CCDC91: variants seen among roughly 807,000 people sequenced by gnomAD.
CCDC91 encodes the protein coiled-coil domain-containing protein 91.
A neutral mutation model predicts 63.2 loss-of-function variants in CCDC91; 48 were observed. The ratio of observed to expected loss-of-function variants is 0.76; its 90% CI spans 0.60 to 0.97. CCDC91 has a LOEUF of 0.97. Among genes scored for constraint, CCDC91 ranks in the 50% least tolerant of loss-of-function variants. The pLI, the probability that CCDC91 is intolerant of heterozygous loss-of-function variation, is 0.00. For synonymous variants in CCDC91, 167 were observed against 165.8 expected (o/e 1.01, Z -0.06); for missense variants, 500 against 494.6 (o/e 1.01, Z -0.10).
chr12:28,504,567 A>G (rs1473552896), intron 12 of CCDC91, among the ~76,000 whole-genome samples: 1 of 151,896 alleles, frequency 6.6e-6, no homozygotes, highest in East Asian at 1.9e-4. Context: ...TCTGATATAT[A>G]TTGCTGTGAA....
intron 3 of CCDC91, among the ~76,000 whole-genome samples, chr12:28,274,954 G>A (rs1413751438): frequency 6.6e-6 from 1 of 151,958 alleles, no homozygotes; most frequent in Admixed American, 6.6e-5. Flanking sequence ...AGAATCTGTG[G>A]GACACATTCA....
chr12:28,250,730 T>G lies in CCDC91; in HGVS notation c.-14-6472T>G, dbSNP rs369250391. Among the ~76,000 whole-genome samples the G allele has an allele frequency of 5.3e-4, 80 of 152,214 alleles. No individual in the cohort carries two copies. The Middle Eastern group carries it at 0.01, about 19-fold the overall frequency. ...AAGGCATTAATTCAGAAATATTCTT[T>G]GAGCCCTTACTATGTGCTAGGAACT... On this transcript the variant is annotated intron_variant, in intron 1 of 12. Transcript: ENST00000536442.
At chr12:28,370,430 C>T (rs1944544154) in intron 7 of CCDC91, among the ~76,000 whole-genome samples, 1 of 152,342 alleles carries the variant, frequency 6.6e-6, no homozygotes, top group South Asian at 2.1e-4. Flanking sequence ...TCTCATCCTC[C>T]TCTGAGACCA....
At chr12:28,380,665 T>TCTAA (rs1156477074) in intron 7 of CCDC91, among the ~76,000 whole-genome samples, 1 of 152,154 alleles carries the variant, frequency 6.6e-6, no homozygotes, top group African/African-American at 2.4e-5. Context: ...CGAATCTGTT[T>TCTAA]CTAAGCTTGT....
intron 12 of CCDC91, among the ~76,000 whole-genome samples, chr12:28,504,538 C>G (rs1250410632): frequency 6.6e-6 from 1 of 151,914 alleles, no homozygotes; most frequent in Admixed American, 6.6e-5. Context: ...TGAAATCTAT[C>G]TTCAATATAT....
At chr12:28,339,169 G>A (rs1209244338) in intron 6 of CCDC91, among the ~76,000 whole-genome samples, 2 of 152,166 alleles carry the variant, frequency 1.3e-5, no homozygotes, top group Non-Finnish European at 2.9e-5. Context: ...CAAAGGCAGA[G>A]CTGACAGGGA....
chr12:28,362,612 G>A (rs1308749458), intron 7 of CCDC91, 97 bp downstream of exon 7: 16 of 627,554 alleles, frequency 2.5e-5, no homozygotes, highest in Non-Finnish European at 4.2e-5. Context: ...AATTATATGT[G>A]TAGTCTTATT....
chr12:28,405,933 G>A (rs1390951022), intron 8 of CCDC91, among the ~76,000 whole-genome samples: 5 of 147,976 alleles, frequency 3.4e-5, no homozygotes, highest in Admixed American at 2.7e-4. Flanking sequence ...TGTCCATTCA[G>A]TAGTATGTTT....
chr12:28,538,569 A>G lies in CCDC91; in HGVS notation c.1216-10494A>G, dbSNP rs183241830. Among the ~76,000 whole-genome samples, 4 of 151,986 alleles carry G rather than the reference A, an allele frequency of 2.6e-5. No individual in the cohort carries two copies. In the South Asian group the frequency reaches 6.2e-4, roughly 24 times the overall value. ...GTGAATAGTGCCACAATAAACATACATGTGCATGTGTCTTTATAGCAGCAT... is the reference window on the plus strand; with the variant it reads ...GTGAATAGTGCCACAATAAACATACGTGTGCATGTGTCTTTATAGCAGCAT... On this transcript the variant is annotated intron_variant, in intron 12 of 12. Coordinates refer to ENST00000536442, the MANE Select transcript of CCDC91 (RefSeq NM_018318.5).
chr12:28,209,351 A>T (rs1192403647), intron 1 of CCDC91, among the ~76,000 whole-genome samples: 1 of 152,228 alleles, frequency 6.6e-6, no homozygotes, highest in African/African-American at 2.4e-5. Context: ...TTTTCAATTT[A>T]TGGAAAAGCT....
At chr12:28,308,476 C>G in intron 6 of CCDC91, among the ~76,000 whole-genome samples, 1 of 152,018 alleles carries the variant, frequency 6.6e-6, no homozygotes, top group Non-Finnish European at 1.5e-5. Flanking sequence ...TTATTCTGTT[C>G]TAAAACCTTC....
At chr12:28,416,990 T>A (rs1947703549) in intron 8 of CCDC91, among the ~76,000 whole-genome samples, 1 of 152,116 alleles carries the variant, frequency 6.6e-6, no homozygotes, top group Admixed American at 6.6e-5. Context: ...TTTCATCTTT[T>A]TCTGTGTATG....
chr12:28,215,899 C>T (rs1292653075), intron 1 of CCDC91, among the ~76,000 whole-genome samples: 1 of 152,002 alleles, frequency 6.6e-6, no homozygotes, highest in Non-Finnish European at 1.5e-5. Context: ...TGCCCGTTTT[C>T]CCTGTTGAGG....
At chr12:28,460,465 C>T (rs1950250307) in intron 11 of CCDC91, among the ~76,000 whole-genome samples, 1 of 151,926 alleles carries the variant, frequency 6.6e-6, no homozygotes, top group Non-Finnish European at 1.5e-5. Flanking sequence ...GTAATTTTGA[C>T]CAAGTTTTAA....
At chr12:28,380,262 G>A (rs1472442498) in intron 7 of CCDC91, among the ~76,000 whole-genome samples, 1 of 151,908 alleles carries the variant, frequency 6.6e-6, no homozygotes, top group Non-Finnish European at 1.5e-5. Flanking sequence ...AACATGGCAC[G>A]TGTATACCTA....
intron 3 of CCDC91, among the ~76,000 whole-genome samples, chr12:28,279,875 CTG>C (rs67192731): frequency 0.2 from 30,408 of 151,990 alleles, 3,973 homozygotes; most frequent in Non-Finnish European, 0.3. Flanking sequence ...TGTAATATCT[CTG>C]TGTATATATA....
intron 1 of CCDC91, among the ~76,000 whole-genome samples, chr12:28,212,335 G>A (rs1319813881): frequency 6.6e-6 from 1 of 152,212 alleles, no homozygotes; most frequent in Admixed American, 6.5e-5. Flanking sequence ...TGGCCACATG[G>A]TGGAAGATTT....
chr12:28,496,059 G>A (rs1952263752), intron 12 of CCDC91, among the ~76,000 whole-genome samples: 1 of 151,558 alleles, frequency 6.6e-6, no homozygotes, highest in Non-Finnish European at 1.5e-5. Context: ...ATCAACCAGG[G>A]TTCTTCTTTT....
intron 7 of CCDC91, among the ~76,000 whole-genome samples, chr12:28,380,983 G>A (rs1227096173): frequency 9.2e-5 from 14 of 152,030 alleles, no homozygotes; most frequent in Admixed American, 9.2e-4. Flanking sequence ...AGTTGTTACA[G>A]GCAAGGGAGA....
Sources: gnomAD v4.1 joint callset for allele counts (sites outside exome capture counted in the v4.1 genomes callset) on GRCh38, gnomAD v4.1.1 for gene constraint, MANE v1.5 for transcripts, NCBI Gene and HGNC (gene_info 2026-07-23, HGNC 2026-07-21) for gene names.